ANKFY1: variants seen among roughly 807,000 people sequenced by gnomAD.
ANKFY1 encodes the protein ankyrin repeat and FYVE domain-containing protein 1.
A neutral mutation model predicts 128.3 loss-of-function variants in ANKFY1; 47 were observed. The observed-to-expected ratio is 0.37, with a 90% CI of 0.29 to 0.47. The LOEUF (loss-of-function observed/expected upper bound fraction) is 0.47. Among genes scored for constraint, ANKFY1 ranks in the 20% least tolerant of loss-of-function variants. The pLI, the probability that ANKFY1 is intolerant of heterozygous loss-of-function variation, is 1.00. For synonymous variants in ANKFY1, 553 were observed against 601.6 expected, an observed-to-expected ratio of 0.92 and a Z score of 1.18; for missense variants, 1,222 against 1,510.6, an observed-to-expected ratio of 0.81 and a Z score of 3.17.
At chr17:4,225,304 C>A (rs1230997377) in intron 3 of ANKFY1, among the ~76,000 whole-genome samples, 1 of 151,986 alleles carries the variant, frequency 6.6e-6, no homozygotes, top group Non-Finnish European at 1.5e-5. Context: ...TTGCAGTGAC[C>A]CAAGATCACA....
intron 19 of ANKFY1, among the ~76,000 whole-genome samples, chr17:4,176,593 C>T (rs151258424): frequency 2.0e-5 from 3 of 152,362 alleles, no homozygotes; most frequent in Admixed American, 2.0e-4. Context: ...AAACACACCA[C>T]ATGCACTTCC....
Position 4,167,408 on chromosome 17 carries a change from C to T in ANKFY1, c.*371G>A, listed in dbSNP as rs1351698425. ...GCTCTGCCTCATCAGTCAGCCCAGG[C>T]GGGAAGACTTCATGAATGCTCTGGG... On this transcript the variant is annotated 3_prime_UTR_variant, in exon 25 of 25. Transcript: ENST00000341657. This position sits in a 1 kb window ranked among gnomAD's most constrained non-coding sequence, Gnocchi z 4.1. The T allele has an allele frequency of 3.0e-5, 5 of 164,630 alleles. No individual in the cohort carries two copies. Among genetic ancestry groups the T allele is most frequent in the East Asian group, 3.4e-4 (2 of 5,920 alleles). 10.2% of individuals were successfully genotyped at this position (164,630 alleles called of 1,614,324 possible).
At chr17:4,197,683 A>C in intron 7 of ANKFY1, 106 bp from the exon 8 acceptor site, 1 of 1,047,222 alleles carries the variant, frequency 9.5e-7, no homozygotes, top group Non-Finnish European at 1.4e-6. Context: ...AGCGATAACT[A>C]GATGTGTCTG....
At chr17:4,170,244 C>G (rs543229965) in intron 23 of ANKFY1, among the ~76,000 whole-genome samples, 1 of 152,224 alleles carries the variant, frequency 6.6e-6, no homozygotes, top group Admixed American at 6.5e-5. Context: ...CATTCTGATT[C>G]TTTCTGTCAC....
At chr17:4,168,889 A>G (rs2059262613) in intron 24 of ANKFY1, 2 of 354,958 alleles carry the variant, frequency 5.6e-6, no homozygotes, top group Non-Finnish European at 1.1e-5. Flanking sequence ...CCATGAGGGC[A>G]GTAGCTCATC....
At position 4,179,965 on chromosome 17, in the gene ANKFY1, T is replaced by G; in HGVS notation, c.2241-88A>C. The G allele has an allele frequency of 2.6e-6, 4 of 1,532,880 alleles. No homozygotes were observed. In the South Asian group the frequency reaches 4.7e-5, roughly 18 times the overall value. The allele number at this position is 1,532,880 out of a possible 1,614,324, so 95.0% of individuals were successfully genotyped here. On this transcript the variant is annotated intron_variant, in intron 16 of 24. Coordinates refer to ENST00000341657, the MANE Select transcript of ANKFY1 (RefSeq NM_001330063.2). Reference sequence around the variant, plus strand: ...TTACAAATGTAAAGCAGGAGCCTCATCCAATCCAACAGCGTCTGCTGTGGC... The same window carrying G: ...TTACAAATGTAAAGCAGGAGCCTCAGCCAATCCAACAGCGTCTGCTGTGGC...
chr17:4,233,924 A>G (rs1255519597), intron 3 of ANKFY1, among the ~76,000 whole-genome samples: 1 of 152,248 alleles, frequency 6.6e-6, no homozygotes, highest in East Asian at 1.9e-4. Flanking sequence ...CGGCAAGTCC[A>G]GTCATAAGCA....
intron 1 of ANKFY1, among the ~76,000 whole-genome samples, chr17:4,256,025 T>C (rs1296788900): frequency 9.2e-5 from 14 of 151,848 alleles, no homozygotes; most frequent in Non-Finnish European, 1.8e-4. Context: ...ACCATGTTGC[T>C]CAGGCTAGTC....
intron 1 of ANKFY1, among the ~76,000 whole-genome samples, chr17:4,255,713 A>G (rs911847736): frequency 6.6e-6 from 1 of 152,238 alleles, no homozygotes; most frequent in African/African-American, 2.4e-5. Flanking sequence ...CTTCCACAAA[A>G]AAATATTTCA....
chr17:4,179,448 C>T (rs776362842), intron 17 of ANKFY1: 39 of 534,574 alleles, frequency 7.3e-5, no homozygotes, highest in Non-Finnish European at 4.0e-5. Flanking sequence ...ATACAGTATG[C>T]GATTTGGGAC....
chr17:4,175,073 C>A (rs2059388638), intron 19 of ANKFY1, among the ~76,000 whole-genome samples: 1 of 150,200 alleles, frequency 6.7e-6, no homozygotes, highest in Admixed American at 6.6e-5. Flanking sequence ...TGGCTCAGGC[C>A]TGTAGTCCCA....
chr17:4,183,211 C>T (rs971366297), intron 14 of ANKFY1, among the ~76,000 whole-genome samples, 187 bp downstream of exon 14: 1 of 152,234 alleles, frequency 6.6e-6, no homozygotes, highest in Non-Finnish European at 1.5e-5. Context: ...CAGTTCCTTT[C>T]CGCCATTACA....
rs1279413652 is a variant in ANKFY1 at position 4,164,048 on chromosome 17, C to T, written c.*3731G>A. On this transcript the variant is annotated 3_prime_UTR_variant, in exon 25 of 25. Coordinates refer to ENST00000341657, the MANE Select transcript of ANKFY1 (RefSeq NM_001330063.2). Reference sequence around the variant, plus strand: ...TCCTCTATGATACCATCACCCCACACTGAGCACCACCCCGAAGGGGCTGGA... The same window carrying T: ...TCCTCTATGATACCATCACCCCACATTGAGCACCACCCCGAAGGGGCTGGA... 1 of 152,690 alleles carries T rather than the reference C, an allele frequency of 6.5e-6. No individual in the cohort carries two copies. Among genetic ancestry groups the T allele is most frequent in the African/African-American group, 2.4e-5 (1 of 41,474 alleles). 9.5% of individuals were successfully genotyped at this position (152,690 alleles called of 1,614,324 possible).
intron 8 of ANKFY1, among the ~76,000 whole-genome samples, chr17:4,196,884 C>T (rs1298649653): frequency 1.3e-5 from 2 of 152,198 alleles, no homozygotes; most frequent in African/African-American, 4.8e-5. Context: ...CTTTGGGAGA[C>T]CGAGGTGGGC....
chr17:4,175,948 G>A (rs560105002), intron 19 of ANKFY1, among the ~76,000 whole-genome samples: 28 of 152,274 alleles, frequency 1.8e-4, no homozygotes, highest in African/African-American at 5.1e-4. Context: ...CCAGGAAGGC[G>A]GGGTCCTTGG....
intron 1 of ANKFY1, among the ~76,000 whole-genome samples, chr17:4,262,604 G>C (rs943542598): frequency 1.3e-5 from 2 of 152,060 alleles, no homozygotes; most frequent in South Asian, 2.1e-4. Context: ...TTAATTAGCC[G>C]GGTGTGGTGG....
chr17:4,177,485 C>T (rs1219671460), intron 18 of ANKFY1, among the ~76,000 whole-genome samples, 183 bp from the exon 19 acceptor site: 1 of 152,170 alleles, frequency 6.6e-6, no homozygotes, highest in Non-Finnish European at 1.5e-5. Flanking sequence ...ACCCACTCTA[C>T]ACATCTGTGC....
chr17:4,249,377 TCAAC>T (rs1967719352), intron 1 of ANKFY1, among the ~76,000 whole-genome samples: 1 of 152,222 alleles, frequency 6.6e-6, no homozygotes, highest in African/African-American at 2.4e-5. Flanking sequence ...TGATTTTTCT[TCAAC>T]CAGGTTAAAA....
At position 4,172,590 on chromosome 17, in the gene ANKFY1, A is replaced by G. The variant is rs1421839866; in HGVS notation, c.3105T>C (p.Tyr1035=). Residue 1035 remains tyrosine (Y), a synonymous_variant, in exon 22 of 25, where the codon TAT becomes TAC. Coordinates refer to ENST00000341657, the MANE Select transcript of ANKFY1 (RefSeq NM_001330063.2). ...FDLFLECMPG[Y]PLDKPDADGS... Reference sequence around the variant, plus strand: ...CGTCTGCATCCGGCTTGTCCAGAGGATACCCCGGCATGCATTCTAGGAAGA... The same window carrying G: ...CGTCTGCATCCGGCTTGTCCAGAGGGTACCCCGGCATGCATTCTAGGAAGA... 2 of 1,613,900 alleles carry G rather than the reference A, an allele frequency of 1.2e-6. No homozygotes were observed. Among genetic ancestry groups the G allele is most frequent in the African/African-American group, 2.7e-5 (2 of 74,912 alleles).
Sources: allele counts gnomAD v4.1 joint callset (sites outside exome capture counted in the v4.1 genomes callset), GRCh38; gene constraint gnomAD v4.1.1; non-coding constraint Gnocchi (gnomAD v3.1); transcripts MANE v1.5; gene names NCBI Gene and HGNC (gene_info 2026-07-23, HGNC 2026-07-21).